The following ZDHHC18 variants were observed in gnomAD, a reference collection of about 807,000 sequenced individuals.
ZDHHC18 encodes the protein zDHHC palmitoyltransferase 18.
In ZDHHC18, 23 loss-of-function variants were observed where a neutral mutation model predicts 37.5. That is an observed-to-expected ratio of 0.61 (90% CI 0.44 to 0.87). The LOEUF (loss-of-function observed/expected upper bound fraction) is 0.87, where lower values mean the gene tolerates loss of function less well. Ranked by LOEUF, ZDHHC18 falls within the 40% of genes least tolerant of loss-of-function variation. The pLI is 0.00. For missense variants in ZDHHC18, 406 were observed against 525.6 expected, an observed-to-expected ratio of 0.77 and a Z score of 2.22; for synonymous variants, 185 against 218.7, an observed-to-expected ratio of 0.85 and a Z score of 1.36.
intron 1 of ZDHHC18, among the ~76,000 whole-genome samples, chr1:26,827,818 T>C (rs2124243070): frequency 6.6e-6 from 1 of 152,166 alleles, no homozygotes; most frequent in African/African-American, 2.4e-5. Flanking sequence ...TCCAGAACCT[T>C]CCTTAGGTTC....
At chr1:26,834,361 G>A (rs909823083) in intron 2 of ZDHHC18, among the ~76,000 whole-genome samples, 1 of 152,238 alleles carries the variant, frequency 6.6e-6, no homozygotes, top group Admixed American at 6.5e-5. Flanking sequence ...TGGAGAAACG[G>A]AGGCAGGTGA....
At chr1:26,853,042 C>T (rs1406564053) in intron 7 of ZDHHC18, 177 bp downstream of exon 7, 2 of 563,642 alleles carry the variant, frequency 3.5e-6, no homozygotes, top group East Asian at 6.0e-5. Context: ...ATCACGTGCT[C>T]ATTGTAGAAA....
chr1:26,837,262 A>T (rs1329923490), intron 2 of ZDHHC18, among the ~76,000 whole-genome samples: 1 of 144,142 alleles, frequency 6.9e-6, no homozygotes, highest in Non-Finnish European at 1.5e-5. Flanking sequence ...CAAAAAAAAT[A>T]TATATATATA....
At chr1:26,841,702 T>C (rs2081639894) in intron 2 of ZDHHC18, among the ~76,000 whole-genome samples, 1 of 152,076 alleles carries the variant, frequency 6.6e-6, no homozygotes, top group African/African-American at 2.4e-5. Flanking sequence ...TGGAGGGTCA[T>C]GGCATGAACA....
rs1375599057 is a variant in ZDHHC18 at position 26,854,705 on chromosome 1, A to T, written c.*862A>T. On this transcript the variant is annotated 3_prime_UTR_variant, in exon 8 of 8. Coordinates refer to ENST00000374142, the MANE Select transcript of ZDHHC18 (RefSeq NM_032283.3). This position sits in a 1 kb window ranked among gnomAD's most constrained non-coding sequence, Gnocchi z 4.6. The stretch of plus-strand genomic sequence containing the variant: ...ACAATTTTATAGACCTCTTTTCTAC[A>T]TAGTCTTTTTTAAATGGAAGGAGAA... 3 of 152,632 alleles carry T rather than the reference A, an allele frequency of 2.0e-5. No individual in the cohort carries two copies. Among genetic ancestry groups the T allele is most frequent in the African/African-American group, 2.4e-5 (1 of 41,434 alleles). 9.5% of individuals were successfully genotyped at this position (152,632 alleles called of 1,614,324 possible).
chr1:26,856,329 G>T lies in ZDHHC18; in HGVS notation c.*2486G>T. ...CCTCACACACCATCTCATCCTCATC[G>T]CATGCCTCGCCAACCCCATGGAGCC... On this transcript the variant is annotated 3_prime_UTR_variant, in exon 8 of 8. Transcript: ENST00000374142. The surrounding 1 kb of genome is among the most constrained non-coding windows in gnomAD (Gnocchi z 5.2). 1 of 396,088 alleles carries T rather than the reference G, an allele frequency of 2.5e-6. No individual in the cohort carries two copies. Among genetic ancestry groups the T allele is most frequent in the Non-Finnish European group, 5.4e-6 (1 of 184,252 alleles). The allele number at this position is 396,088 out of a possible 1,614,324, so 24.5% of individuals were successfully genotyped here. A position where few individuals can be genotyped will look rare whatever the true frequency, so the allele number is the denominator to read the frequency against.
At chr1:26,851,897 G>A (rs763008152) in intron 6 of ZDHHC18, among the ~76,000 whole-genome samples, 1 of 152,212 alleles carries the variant, frequency 6.6e-6, no homozygotes, top group Non-Finnish European at 1.5e-5. Context: ...TGTTTGATGT[G>A]CCCAGTCCTA....
intron 1 of ZDHHC18, among the ~76,000 whole-genome samples, chr1:26,828,340 C>T (rs577058903): frequency 5.9e-5 from 9 of 152,058 alleles, no homozygotes; most frequent in Middle Eastern, 6.8e-3. Context: ...CCACTAATTG[C>T]GTGACCTCAG....
In ZDHHC18 at chr1:26,854,015, C is replaced by A; in HGVS notation, c.*172C>A. 1.6e-6 allele frequency: 1 copy of A among 642,430 alleles called. No individual in the cohort carries two copies. The highest frequency in any genetic ancestry group is 2.7e-6 in the Non-Finnish European group (1 of 371,584). 39.8% of individuals were successfully genotyped at this position (642,430 alleles called of 1,614,324 possible). A position where few individuals can be genotyped will look rare whatever the true frequency, so the allele number is the denominator to read the frequency against. ...AACTGTTCCGTGGCTGTGCCCTCTG[C>A]TCCCCAAACCCAGGTTCCCACAGCC... is the stretch of plus-strand genomic sequence containing the variant. On this transcript the variant is annotated 3_prime_UTR_variant, in exon 8 of 8. Coordinates refer to ENST00000374142, the MANE Select transcript of ZDHHC18 (RefSeq NM_032283.3). The surrounding 1 kb of genome is among the most constrained non-coding windows in gnomAD (Gnocchi z 4.6).
chr1:26,843,145 T>G (rs539640212), intron 2 of ZDHHC18, among the ~76,000 whole-genome samples: 1 of 151,592 alleles, frequency 6.6e-6, no homozygotes, highest in East Asian at 1.9e-4. Flanking sequence ...TTCTTTTTTT[T>G]TTTTTTCTTT....
intron 2 of ZDHHC18, among the ~76,000 whole-genome samples, chr1:26,840,846 A>G (rs2081635208): frequency 6.6e-6 from 1 of 151,730 alleles, no homozygotes. Flanking sequence ...TTGAACTCCT[A>G]AACTTTCCCT....
At chr1:26,830,908 G>A (rs1358712505) in intron 1 of ZDHHC18, among the ~76,000 whole-genome samples, 3 of 152,114 alleles carry the variant, frequency 2.0e-5, no homozygotes, top group Non-Finnish European at 4.4e-5. Context: ...TCAGCCTCCT[G>A]AGTAGCTGGG....
In ZDHHC18 at chr1:26,850,552, C is replaced by T; in HGVS notation, c.785-6C>T. 1.9e-6 allele frequency: 3 copies of T among 1,614,172 alleles called. No individual in the cohort carries two copies. Among genetic ancestry groups the T allele is most frequent in the Non-Finnish European group, 1.7e-6 (2 of 1,180,030 alleles). The stretch of plus-strand genomic sequence containing the variant: ...AGCTTGTCCTCTCCTGTTTCTTTCT[C>T]CCCAGGCGCTCAGGGAAGCAACTTC... On this transcript the variant is annotated splice_region_variant and splice_polypyrimidine_tract_variant and intron_variant, in intron 4 of 7. Transcript: ENST00000374142. This position sits in a 1 kb window ranked among gnomAD's most constrained non-coding sequence, Gnocchi z 6.1.
Position 26,851,174 on chromosome 1 carries a change from G to A in ZDHHC18, c.879G>A (p.Leu293=), listed in dbSNP as rs200512268. The change falls in exon 6 of 8, where the codon CTG becomes CTA. Residue 293 remains leucine (L), a synonymous_variant. Transcript: ENST00000374142. ...VICFFSIWSI[L]GLSGFHTYLV... ...GCTTCTTCTCCATCTGGTCCATTCT[G>A]GGCCTCTCAGGGTTTCACACGTACC... The A allele has an allele frequency of 3.1e-6, 5 of 1,614,180 alleles. No homozygotes were observed. In the African/African-American group the frequency reaches 4.0e-5, roughly 13 times the overall value.
At chr1:26,842,717 G>A (rs1347402176) in intron 2 of ZDHHC18, among the ~76,000 whole-genome samples, 1 of 152,266 alleles carries the variant, frequency 6.6e-6, no homozygotes, top group East Asian at 1.9e-4. Context: ...TGTAGTCAAG[G>A]TGGTGATGAA....
chr1:26,844,500 A>C (rs1183051699), intron 2 of ZDHHC18, among the ~76,000 whole-genome samples: 2 of 152,152 alleles, frequency 1.3e-5, no homozygotes, highest in African/African-American at 2.4e-5. Flanking sequence ...TATTATGAGA[A>C]TTATTGCTGT....
intron 2 of ZDHHC18, among the ~76,000 whole-genome samples, chr1:26,844,259 G>A (rs2081652629): frequency 6.6e-6 from 1 of 152,076 alleles, no homozygotes; most frequent in Non-Finnish European, 1.5e-5. Context: ...GGCTGGTCTT[G>A]AACTCCTGAC....
intron 2 of ZDHHC18, among the ~76,000 whole-genome samples, chr1:26,837,824 C>G (rs1428664713): frequency 2.0e-5 from 3 of 151,976 alleles, no homozygotes; most frequent in African/African-American, 7.3e-5. Flanking sequence ...TTAAGGCAAG[C>G]TGCAGTCTAC....
rs534114209 is a variant in ZDHHC18, at chr1:26,829,352, C to T, written c.335+2213C>T. ...GTGCCCTTTTGATTCTAACTCAGGC[C>T]TGAATCCTCCCTGGCCTCTGTCCCC... On this transcript the variant is annotated intron_variant, in intron 1 of 7. Coordinates refer to ENST00000374142, the MANE Select transcript of ZDHHC18 (RefSeq NM_032283.3). Among the ~76,000 whole-genome samples, 445 of 152,248 alleles carry T rather than the reference C, an allele frequency of 2.9e-3. 4 individuals carry two copies. Among genetic ancestry groups the T allele is most frequent in the African/African-American group, 9.6e-3 (398 of 41,532 alleles).
Sources: allele counts gnomAD v4.1 joint callset (sites outside exome capture counted in the v4.1 genomes callset), GRCh38; gene constraint gnomAD v4.1.1; non-coding constraint Gnocchi (gnomAD v3.1); transcripts MANE v1.5; gene names NCBI Gene and HGNC (gene_info 2026-07-23, HGNC 2026-07-21).